Variants in SLC14A2 observed in about 807,000 individuals in gnomAD.
SLC14A2 encodes urea transporter 2.
Under a neutral mutation model 104.6 loss-of-function variants are expected in SLC14A2, and 91 were observed. The observed-to-expected ratio is 0.87, with a 90% CI of 0.73 to 1.04. The LOEUF (loss-of-function observed/expected upper bound fraction) is 1.04. Ranked by LOEUF, SLC14A2 falls within the 50% of genes least tolerant of loss-of-function variation. SLC14A2 has a pLI of 0.00. For synonymous variants in SLC14A2, 476 were observed against 466.4 expected (o/e 1.02, Z -0.27); for missense variants, 1,189 against 1,156.0 (o/e 1.03, Z -0.41).
In SLC14A2 at chr18:45,329,819, GAAAC is replaced by G. The variant is rs562679223; in HGVS notation, c.-125+116640_-125+116643del. Reference sequence around the variant, plus strand: ...TATACATGCATGGAGCCAACACAAAGAAACAAACAAACAAAAACTTAGGTAAACT... The same window carrying G: ...TATACATGCATGGAGCCAACACAAAGAAACAAACAAAAACTTAGGTAAACT... On this transcript the variant is annotated intron_variant, in intron 1 of 20. Coordinates refer to the SLC14A2 transcript ENST00000586448. Among the ~76,000 whole-genome samples, 340 of 152,222 alleles carry G rather than the reference GAAAC, an allele frequency of 2.2e-3. 1 individual carries two copies. The highest frequency in any genetic ancestry group is 3.2e-3 in the Non-Finnish European group (216 of 67,988).
At chr18:45,409,015 G>A (rs1714174815) in intron 1 of SLC14A2, among the ~76,000 whole-genome samples, 1 of 152,118 alleles carries the variant, frequency 6.6e-6, no homozygotes, top group Non-Finnish European at 1.5e-5. Context: ...TCAGTTTCTT[G>A]GACCGTTCAC....
chr18:45,264,969 A>G (rs934023671), intron 1 of SLC14A2, among the ~76,000 whole-genome samples: 1 of 152,166 alleles, frequency 6.6e-6, no homozygotes, highest in Non-Finnish European at 1.5e-5. Flanking sequence ...GAGGGACACC[A>G]GCAAAGTAGA....
chr18:45,253,007 A>T (rs559346958), intron 1 of SLC14A2, among the ~76,000 whole-genome samples: 1 of 152,296 alleles, frequency 6.6e-6, no homozygotes. Flanking sequence ...TGCTCAGGAA[A>T]CAAAGCCATG....
At chr18:45,375,247 C>T (rs2144363824) in intron 1 of SLC14A2, among the ~76,000 whole-genome samples, 1 of 152,278 alleles carries the variant, frequency 6.6e-6, no homozygotes. Flanking sequence ...ACAAGTTAGC[C>T]ACAAGATTAA....
chr18:45,486,299 A>T (rs562770167), intron 2 of SLC14A2, among the ~76,000 whole-genome samples: 1 of 152,070 alleles, frequency 6.6e-6, no homozygotes, highest in South Asian at 2.1e-4. Flanking sequence ...TTGCGGGTTT[A>T]TAAGTATTTT....
chr18:45,369,792 C>G (rs2085703289), intron 1 of SLC14A2, among the ~76,000 whole-genome samples: 1 of 152,172 alleles, frequency 6.6e-6, no homozygotes, highest in South Asian at 2.1e-4. Flanking sequence ...AGAAGCCAAG[C>G]AAACATGAGG....
Position 45,307,143 on chromosome 18 carries a change from G to A in SLC14A2, c.-125+93952G>A, listed in dbSNP as rs969519246. 7.2e-5 allele frequency among the ~76,000 whole-genome samples: 11 copies of A among 152,200 alleles called. No homozygotes were observed. The South Asian group carries it at 8.3e-4, about 12-fold the overall frequency. On this transcript the variant is annotated intron_variant, in intron 1 of 20. Coordinates refer to the SLC14A2 transcript ENST00000586448. The stretch of plus-strand genomic sequence containing the variant: ...TAGAAAAGACTAACCTTGGCCGGGC[G>A]TGGTGGCTCACACCTGTAATCCTAG...
intron 2 of SLC14A2, among the ~76,000 whole-genome samples, chr18:45,547,794 A>G (rs928028839): frequency 2.6e-5 from 4 of 152,228 alleles, no homozygotes; most frequent in Non-Finnish European, 4.4e-5. Context: ...GAAGCCCAGT[A>G]TTGATCTGGC....
chr18:45,418,912 C>T (rs1002952894), intron 1 of SLC14A2, among the ~76,000 whole-genome samples: 1 of 152,078 alleles, frequency 6.6e-6, no homozygotes, highest in Non-Finnish European at 1.5e-5. Flanking sequence ...AGAGGGTCCA[C>T]TCCTGGTGCA....
At chr18:45,580,349 G>A (rs907559174) in intron 2 of SLC14A2, among the ~76,000 whole-genome samples, 20 of 152,230 alleles carry the variant, frequency 1.3e-4, no homozygotes, top group African/African-American at 3.9e-4. Context: ...TAAAGTCATG[G>A]GAGTGGACAG....
chr18:45,207,368 AAAAG>A, the SLC14A2 span, among the ~76,000 whole-genome samples: 1 of 147,380 alleles, frequency 6.8e-6, no homozygotes, highest in African/African-American at 2.5e-5. Context: ...GAGGGAGGGG[AAAAG>A]AAGGAAGGAA....
intron 1 of SLC14A2, among the ~76,000 whole-genome samples, chr18:45,316,964 C>A (rs2085135535): frequency 6.6e-6 from 1 of 152,194 alleles, no homozygotes; most frequent in Non-Finnish European, 1.5e-5. Flanking sequence ...CATTTATGTT[C>A]ACAGCAAACC....
At chr18:45,419,709 G>A (rs1032560175) in intron 1 of SLC14A2, among the ~76,000 whole-genome samples, 1 of 151,292 alleles carries the variant, frequency 6.6e-6, no homozygotes. Context: ...AGGAGGCAGA[G>A]GTTGCAGTGG....
intron 1 of SLC14A2, among the ~76,000 whole-genome samples, chr18:45,416,349 C>T (rs1333337342): frequency 1.3e-5 from 2 of 151,002 alleles, no homozygotes; most frequent in African/African-American, 4.9e-5. Flanking sequence ...GGCTGCTCTA[C>T]ACCAAATAAC....
At chr18:45,208,493 G>A (rs1414404855), upstream of SLC14A2, among the ~76,000 whole-genome samples, 2 of 152,100 alleles carry the variant, frequency 1.3e-5, no homozygotes, top group African/African-American at 2.4e-5. Context: ...TCATAGGAAC[G>A]TGCAATATGT....
At chr18:45,681,717 C>A (rs1339372642) in intron 19 of SLC14A2, among the ~76,000 whole-genome samples, 2 of 152,200 alleles carry the variant, frequency 1.3e-5, no homozygotes, top group African/African-American at 4.8e-5. Flanking sequence ...CCCCCAATGG[C>A]CACCCATCCC....
At chr18:45,664,956 C>T (rs767457070) in intron 11 of SLC14A2, among the ~76,000 whole-genome samples, 1 of 152,136 alleles carries the variant, frequency 6.6e-6, no homozygotes, top group Non-Finnish European at 1.5e-5. Flanking sequence ...TAGTAGAGAG[C>T]CCTGCAGCAC....
At chr18:45,199,873 A>G in the SLC14A2 span, among the ~76,000 whole-genome samples, 1 of 152,136 alleles carries the variant, frequency 6.6e-6, no homozygotes, top group East Asian at 1.9e-4. Flanking sequence ...TAGGTTTTGG[A>G]AAAACCATGT....
At chr18:45,204,890 C>A in the SLC14A2 span, among the ~76,000 whole-genome samples, 1 of 151,868 alleles carries the variant, frequency 6.6e-6, no homozygotes, top group Non-Finnish European at 1.5e-5. Flanking sequence ...TCACACTCCA[C>A]CTATGCTAAT....
Sources: allele counts gnomAD v4.1 joint callset (sites outside exome capture counted in the v4.1 genomes callset), GRCh38; gene constraint gnomAD v4.1.1; transcripts MANE v1.5; gene names NCBI Gene and HGNC (gene_info 2026-07-23, HGNC 2026-07-21).